Variants in NTNG1 observed in about 807,000 individuals in gnomAD.
NTNG1 encodes netrin-G1.
In NTNG1, 16 loss-of-function variants were observed where a neutral mutation model predicts 54.0. The observed-to-expected ratio is 0.30, with a 90% confidence interval of 0.20 to 0.45. The LOEUF is 0.45. Among genes scored for constraint, NTNG1 ranks in the 20% least tolerant of loss-of-function variants. The probability of loss-of-function intolerance (pLI) is 1.00; values close to 1 mark genes in which losing one functional copy is unlikely to be tolerated. For missense variants in NTNG1, 530 were observed against 678.7 expected (o/e 0.78, Z 2.43); for synonymous variants, 255 against 263.1 (o/e 0.97, Z 0.30).
intron 2 of NTNG1, among the ~76,000 whole-genome samples, chr1:107,207,938 C>T (rs1206155196): frequency 6.6e-6 from 1 of 152,148 alleles, no homozygotes; most frequent in East Asian, 1.9e-4. Flanking sequence ...CTCCTTCCAC[C>T]CTGTCTCTGG....
intron 3 of NTNG1, among the ~76,000 whole-genome samples, chr1:107,364,431 G>GT (rs1371124472): frequency 9.2e-5 from 14 of 152,202 alleles, no homozygotes; most frequent in African/African-American, 3.1e-4. Context: ...CATAATAAAG[G>GT]TTTTTTGTTG....
intron 1 of NTNG1, chr1:107,143,335 G>A (rs934124974): frequency 1.3e-5 from 2 of 152,122 alleles, no homozygotes; most frequent in African/African-American, 2.4e-5. Context: ...GGAGGCAAAT[G>A]TATTTTGCAG....
At chr1:107,261,918 T>G (rs977637227) in intron 2 of NTNG1, among the ~76,000 whole-genome samples, 2 of 152,192 alleles carry the variant, frequency 1.3e-5, no homozygotes, top group Non-Finnish European at 2.9e-5. Context: ...CATTCTCATA[T>G]GTAAGGTAAA....
intron 3 of NTNG1, among the ~76,000 whole-genome samples, chr1:107,389,663 A>G (rs1220433550): frequency 6.6e-6 from 1 of 152,188 alleles, no homozygotes; most frequent in African/African-American, 2.4e-5. Flanking sequence ...CTTATTTGGC[A>G]ATGTCTGCCA....
chr1:107,171,552 C>T (rs907713034), intron 2 of NTNG1, among the ~76,000 whole-genome samples: 8 of 152,116 alleles, frequency 5.3e-5, no homozygotes, highest in African/African-American at 1.9e-4. Context: ...TCCTCAGCAG[C>T]CAGTGGTCTG....
At chr1:107,289,912 AAT>A (rs1158484386) in intron 2 of NTNG1, among the ~76,000 whole-genome samples, 1 of 152,182 alleles carries the variant, frequency 6.6e-6, no homozygotes, top group Admixed American at 6.6e-5. Flanking sequence ...TAAACCAAGG[AAT>A]ATTTTCATAT....
At chr1:107,240,488 C>T (rs1052117771) in intron 2 of NTNG1, among the ~76,000 whole-genome samples, 2 of 152,094 alleles carry the variant, frequency 1.3e-5, no homozygotes, top group African/African-American at 4.8e-5. Context: ...ACATCTCTGC[C>T]TGTTTATGCC....
chr1:107,423,098 A>G (rs539776091), intron 5 of NTNG1, among the ~76,000 whole-genome samples: 5 of 152,184 alleles, frequency 3.3e-5, no homozygotes, highest in South Asian at 2.1e-4. Context: ...TAGAAAGTCA[A>G]CTTTGAACCC....
intron 2 of NTNG1, among the ~76,000 whole-genome samples, chr1:107,277,495 T>C (rs950461283): frequency 1.3e-5 from 2 of 152,226 alleles, no homozygotes; most frequent in African/African-American, 4.8e-5. Flanking sequence ...TGAAATTATT[T>C]AGAATCCTAG....
chr1:107,203,046 G>A (rs1658878305), intron 2 of NTNG1, among the ~76,000 whole-genome samples: 4 of 151,816 alleles, frequency 2.6e-5, no homozygotes, highest in Admixed American at 2.6e-4. Flanking sequence ...AAAGATCTTA[G>A]CTATATGTAC....
At chr1:107,251,328 G>A (rs952144980) in intron 2 of NTNG1, among the ~76,000 whole-genome samples, 21 of 152,044 alleles carry the variant, frequency 1.4e-4, no homozygotes, top group Admixed American at 1.3e-3. Context: ...GTAGAAACTC[G>A]TCTTATCTCC....
At chr1:107,427,249 C>A (rs1313202085) in intron 5 of NTNG1, among the ~76,000 whole-genome samples, 1 of 151,922 alleles carries the variant, frequency 6.6e-6, no homozygotes, top group Admixed American at 6.6e-5. Flanking sequence ...TAACTGGGAT[C>A]AAGATTTCCT....
At chr1:107,212,020 A>T (rs1341959103) in intron 2 of NTNG1, among the ~76,000 whole-genome samples, 2 of 152,132 alleles carry the variant, frequency 1.3e-5, no homozygotes, top group Non-Finnish European at 2.9e-5. Flanking sequence ...AAAGAGCTTA[A>T]ATCTCTTTAT....
At chr1:107,395,481 A>G (rs531607446) in intron 4 of NTNG1, 155 bp downstream of exon 4, 1 of 780,576 alleles carries the variant, frequency 1.3e-6, no homozygotes, top group Non-Finnish European at 2.3e-6. Flanking sequence ...TACCTCATGT[A>G]GACATCTTTT....
chr1:107,414,649 C>T (rs1007578681), intron 5 of NTNG1, among the ~76,000 whole-genome samples: 1 of 152,048 alleles, frequency 6.6e-6, no homozygotes, highest in African/African-American at 2.4e-5. Flanking sequence ...TTTCCTACTT[C>T]GAGTCAGTAA....
chr1:107,225,509 G>A (rs915292815), intron 2 of NTNG1, among the ~76,000 whole-genome samples: 2 of 152,228 alleles, frequency 1.3e-5, no homozygotes, highest in African/African-American at 2.4e-5. Flanking sequence ...ACAGATCTGT[G>A]TTTGAGTGCC....
chr1:107,464,998 C>A (rs1389951878), intron 7 of NTNG1, among the ~76,000 whole-genome samples: 1 of 152,128 alleles, frequency 6.6e-6, no homozygotes, highest in Non-Finnish European at 1.5e-5. Flanking sequence ...CCTTCTCTGT[C>A]CTCTTTATCT....
intron 1 of NTNG1, among the ~76,000 whole-genome samples, chr1:107,145,267 G>T (rs974714347): frequency 6.6e-6 from 1 of 151,976 alleles, no homozygotes; most frequent in Non-Finnish European, 1.5e-5. Context: ...TGAAAACTCT[G>T]TAATTATACT....
At position 107,206,865 on chromosome 1, in the gene NTNG1, G is replaced by A. The variant is rs557242877; in HGVS notation, c.246+58026G>A. On this transcript the variant is annotated intron_variant, in intron 2 of 7. Coordinates refer to ENST00000370068, the MANE Select transcript of NTNG1 (RefSeq NM_001113226.3). The stretch of plus-strand genomic sequence containing the variant: ...CCTAGATTAAGTGCTGGTTTTGAAC[G>A]AGCCCGCCTTTAATATAAGACCTCG... 2.0e-3 allele frequency among the ~76,000 whole-genome samples: 300 copies of A among 152,174 alleles called. 1 individual carries two copies. The highest frequency in any genetic ancestry group is 6.8e-3 in the African/African-American group (284 of 41,526).
Sources: allele counts gnomAD v4.1 joint callset (sites outside exome capture counted in the v4.1 genomes callset), GRCh38; gene constraint gnomAD v4.1.1; transcripts MANE v1.5; gene names NCBI Gene and HGNC (gene_info 2026-07-23, HGNC 2026-07-21).